The following HPSE2 variants were observed in gnomAD, a reference collection of about 807,000 sequenced individuals.
HPSE2 encodes the protein inactive heparanase-2.
A neutral mutation model predicts 60.5 loss-of-function variants in HPSE2; 38 were observed. The ratio of observed to expected loss-of-function variants is 0.63; its 90% CI spans 0.48 to 0.82. The LOEUF (loss-of-function observed/expected upper bound fraction) is 0.82, where lower values mean the gene tolerates loss of function less well. Ranked by LOEUF, HPSE2 falls within the 40% of genes least tolerant of loss-of-function variation. The pLI is 0.00. For missense variants in HPSE2, 713 were observed against 740.4 expected, an observed-to-expected ratio of 0.96 and a Z score of 0.43; for synonymous variants, 295 against 293.2, an observed-to-expected ratio of 1.01 and a Z score of -0.06.
chr10:98,984,243 A>C (rs1248993161), intron 3 of HPSE2, among the ~76,000 whole-genome samples: 2 of 152,200 alleles, frequency 1.3e-5, no homozygotes, highest in Admixed American at 1.3e-4. Flanking sequence ...GGCACCCCCC[A>C]GTAGGGGCAG....
chr10:98,517,925 C>A (rs924085595), intron 9 of HPSE2, among the ~76,000 whole-genome samples: 2 of 152,224 alleles, frequency 1.3e-5, no homozygotes, highest in African/African-American at 4.8e-5. Context: ...TTGTTACAAC[C>A]AGTTCCTGCT....
intron 3 of HPSE2, among the ~76,000 whole-genome samples, chr10:99,090,377 C>A (rs1359179175): frequency 3.3e-5 from 5 of 152,068 alleles, no homozygotes; most frequent in Non-Finnish European, 7.4e-5. Context: ...AGTCCATCCC[C>A]AATAAATATG....
intron 3 of HPSE2, among the ~76,000 whole-genome samples, chr10:99,104,952 A>T (rs767364766): frequency 1.6e-4 from 24 of 152,094 alleles, no homozygotes; most frequent in Admixed American, 4.6e-4. Flanking sequence ...TAGGAGATAT[A>T]ACTAACGTAA....
At chr10:99,215,675 T>G (rs1223018885) in intron 2 of HPSE2, among the ~76,000 whole-genome samples, 2 of 152,172 alleles carry the variant, frequency 1.3e-5, no homozygotes, top group African/African-American at 4.8e-5. Flanking sequence ...ATGATTCCCA[T>G]CATATGAAAT....
intron 3 of HPSE2, among the ~76,000 whole-genome samples, chr10:98,975,210 T>C (rs1273088669): frequency 2.6e-5 from 4 of 152,210 alleles, no homozygotes; most frequent in Admixed American, 2.0e-4. Context: ...GAGATTATAA[T>C]GTTGAAATAT....
At chr10:98,825,514 T>C (rs541198612) in intron 3 of HPSE2, among the ~76,000 whole-genome samples, 2 of 150,962 alleles carry the variant, frequency 1.3e-5, no homozygotes, top group South Asian at 4.2e-4. Flanking sequence ...TCACTGAAGC[T>C]GAAGCCAATT....
At chr10:98,805,878 A>G (rs1277608121) in intron 3 of HPSE2, among the ~76,000 whole-genome samples, 4 of 152,178 alleles carry the variant, frequency 2.6e-5, no homozygotes, top group African/African-American at 9.7e-5. Flanking sequence ...AAAGTAAACA[A>G]ACAAAGGAAA....
chr10:99,197,354 A>C (rs965674493), intron 2 of HPSE2, among the ~76,000 whole-genome samples: 1 of 152,214 alleles, frequency 6.6e-6, no homozygotes. Flanking sequence ...ACATTTTAAA[A>C]TAACAAGAGT....
intron 5 of HPSE2, among the ~76,000 whole-genome samples, chr10:98,694,550 CA>C (rs1044022829): frequency 1.9e-4 from 29 of 152,158 alleles, no homozygotes; most frequent in African/African-American, 7.0e-4. Context: ...TGTTATCTGA[CA>C]ATCATGCTCA....
chr10:98,710,118 AAAC>A (rs1330483850), intron 5 of HPSE2, among the ~76,000 whole-genome samples: 1 of 152,204 alleles, frequency 6.6e-6, no homozygotes, highest in African/African-American at 2.4e-5. Flanking sequence ...AACTCTAGAT[AAAC>A]AACATTTTGG....
In HPSE2 at chr10:98,764,806, G is replaced by A. The variant is rs536687108; in HGVS notation, c.611-20750C>T. 7.2e-5 allele frequency among the ~76,000 whole-genome samples: 11 copies of A among 152,244 alleles called. No individual in the cohort carries two copies. The East Asian group carries it at 9.7e-4, about 13-fold the overall frequency. Reference sequence around the variant, plus strand: ...AGGGAGGCGGAGGTTGCAGTGAGCCGAGATGGCACCACTGCACTCCAGCCT... The same window carrying A: ...AGGGAGGCGGAGGTTGCAGTGAGCCAAGATGGCACCACTGCACTCCAGCCT... On this transcript the variant is annotated intron_variant, in intron 3 of 11. Transcript: ENST00000370552.
At chr10:98,464,829 G>A (rs1207317838) in intron 11 of HPSE2, among the ~76,000 whole-genome samples, 1 of 152,060 alleles carries the variant, frequency 6.6e-6, no homozygotes, top group Non-Finnish European at 1.5e-5. Context: ...TGCTCTTGTT[G>A]GCTTGTGGAG....
rs897524572 is a variant in HPSE2 at position 98,721,793 on chromosome 10, C to G, written c.820G>C (p.Val274Leu). 1 of 1,613,598 alleles carries G rather than the reference C, an allele frequency of 6.2e-7. No individual in the cohort carries two copies. Among genetic ancestry groups the G allele is most frequent in the Non-Finnish European group, 8.5e-7 (1 of 1,179,832 alleles). The change falls in exon 5 of 12, where the codon GTA (valine) becomes CTA (leucine). Residue 274 changes from valine to leucine, a missense_variant. By Grantham distance (32) the Val-to-Leu change is conservative (BLOSUM62 1). Transcript: ENST00000370552. ...NNYRTMHGRA[V>L]NGSQLGKDYI... ...TCCTTTCCCAACTGGCTGCCATTTACTGCCCGGCCATGCATGGTCCGATAG... is the reference window on the plus strand; with the variant it reads ...TCCTTTCCCAACTGGCTGCCATTTAGTGCCCGGCCATGCATGGTCCGATAG...
At chr10:98,522,266 C>A (rs546563172) in intron 9 of HPSE2, among the ~76,000 whole-genome samples, 149 of 148,266 alleles carry the variant, frequency 1.0e-3, no homozygotes, top group African/African-American at 3.5e-3. Context: ...AAAAAAAAAA[C>A]AATAAAACAA....
intron 4 of HPSE2, among the ~76,000 whole-genome samples, chr10:98,732,058 T>C (rs1949241783): frequency 1.3e-5 from 2 of 152,164 alleles, no homozygotes; most frequent in African/African-American, 4.8e-5. Context: ...AAGAATAGTA[T>C]ACTTAAGAAC....
At chr10:99,061,578 G>A (rs985457099) in intron 3 of HPSE2, among the ~76,000 whole-genome samples, 5 of 152,156 alleles carry the variant, frequency 3.3e-5, no homozygotes, top group African/African-American at 1.2e-4. Flanking sequence ...TGTAGTAGAT[G>A]TCCTGGAATA....
At chr10:98,834,636 C>T (rs1484434028) in intron 3 of HPSE2, among the ~76,000 whole-genome samples, 1 of 152,048 alleles carries the variant, frequency 6.6e-6, no homozygotes, top group African/African-American at 2.4e-5. Context: ...TAGAGTTACC[C>T]AGAGGTTCTC....
In HPSE2 at chr10:98,533,159, G is replaced by A. The variant is rs891716108; in HGVS notation, c.1321-42963C>T. Among the ~76,000 whole-genome samples, 6 of 152,320 alleles carry A rather than the reference G, an allele frequency of 3.9e-5. No homozygotes were observed. The East Asian group carries it at 1.2e-3, about 29-fold the overall frequency. On this transcript the variant is annotated intron_variant, in intron 9 of 11. Transcript: ENST00000370552. ...TTCCAGCTGAAGTTTGGCCTTGACTGCTACAAAGCTGGATGCATTCAAGGG... is the reference window on the plus strand; with the variant it reads ...TTCCAGCTGAAGTTTGGCCTTGACTACTACAAAGCTGGATGCATTCAAGGG...
chr10:98,970,163 C>T (rs1173107376), intron 3 of HPSE2, among the ~76,000 whole-genome samples: 1 of 152,032 alleles, frequency 6.6e-6, no homozygotes, highest in Non-Finnish European at 1.5e-5. Flanking sequence ...GGTTTCACCA[C>T]GTTGGCCAGG....
Sources: allele counts gnomAD v4.1 joint callset (sites outside exome capture counted in the v4.1 genomes callset), GRCh38; gene constraint gnomAD v4.1.1; transcripts MANE v1.5; gene names NCBI Gene and HGNC (gene_info 2026-07-23, HGNC 2026-07-21).